Variants in SEC23A observed in about 807,000 individuals in gnomAD.
SEC23A encodes the protein protein transport protein Sec23A.
In SEC23A, 56 loss-of-function variants were observed where a neutral mutation model predicts 103.7. The observed-to-expected ratio is 0.54, with a 90% CI of 0.44 to 0.67. SEC23A has a LOEUF of 0.67. Among genes scored for constraint, SEC23A ranks in the 30% least tolerant of loss-of-function variants. The probability of loss-of-function intolerance (pLI) is 0.00; values close to 1 mark genes in which losing one functional copy is unlikely to be tolerated. For synonymous variants in SEC23A, 281 were observed against 293.0 expected (o/e 0.96, Z 0.42); for missense variants, 784 against 936.4 (o/e 0.84, Z 2.12).
chr14:39,054,323 G>C (rs1450600533), intron 14 of SEC23A, among the ~76,000 whole-genome samples: 1 of 151,384 alleles, frequency 6.6e-6, no homozygotes, highest in Non-Finnish European at 1.5e-5. Flanking sequence ...GTGTCATAAT[G>C]TAAGTACAGT....
At chr14:39,095,041 G>C (rs1158715462) in intron 2 of SEC23A, 7 of 696,122 alleles carry the variant, frequency 1.0e-5, no homozygotes, top group Non-Finnish European at 1.8e-5. Context: ...ATAGAAACAG[G>C]GAGAGCAGGT....
rs117298227 is a variant in SEC23A, at chr14:39,090,267, C to T, written c.603+1210G>A. Among the ~76,000 whole-genome samples the T allele has an allele frequency of 8.0e-3, 1,211 of 152,234 alleles. 12 individuals are homozygous for T. The highest frequency in any genetic ancestry group is 0.011 in the Non-Finnish European group (732 of 68,018). On this transcript the variant is annotated intron_variant, in intron 5 of 19. Transcript: ENST00000307712. ...GGTAAATGTTCTCAACTAGGAGTTG[C>T]ACCAGAATTACTTAGAAAGTTTTTT... is the stretch of plus-strand genomic sequence containing the variant.
chr14:39,096,620 C>T (rs978362798), intron 1 of SEC23A, among the ~76,000 whole-genome samples: 3 of 151,812 alleles, frequency 2.0e-5, no homozygotes, highest in African/African-American at 7.3e-5. Context: ...ATGGCTCTAC[C>T]CAATGTTCAC....
chr14:39,041,055 TA>T, intron 17 of SEC23A, 168 bp from the exon 18 acceptor site: 1 of 647,604 alleles, frequency 1.5e-6, no homozygotes, highest in Non-Finnish European at 2.4e-6. Flanking sequence ...ATATTCTTAA[TA>T]AATATAAAAT....
chr14:39,050,674 C>T lies in SEC23A; in HGVS notation c.1660-1945G>A, dbSNP rs376162591. ...AAAGGCCAGGAGTCAAAAAGGAAGC[C>T]GGGAGCAGTGGCACAGGCCTGTAGT... On this transcript the variant is annotated intron_variant, in intron 14 of 19. Coordinates refer to ENST00000307712, the MANE Select transcript of SEC23A (RefSeq NM_006364.4). Among the ~76,000 whole-genome samples the T allele has an allele frequency of 2.2e-4, 33 of 152,178 alleles. No individual in the cohort carries two copies. The East Asian group carries it at 3.9e-3, about 18-fold the overall frequency.
chr14:39,058,746 G>A (rs935460391), intron 13 of SEC23A, among the ~76,000 whole-genome samples: 2 of 152,088 alleles, frequency 1.3e-5, no homozygotes, highest in Non-Finnish European at 2.9e-5. Context: ...AGAAGACATT[G>A]GTAATTTTGA....
intron 7 of SEC23A, among the ~76,000 whole-genome samples, chr14:39,085,361 G>C (rs368683376): frequency 6.6e-6 from 1 of 152,166 alleles, no homozygotes; most frequent in African/African-American, 2.4e-5. Context: ...AGAGTTCTGT[G>C]AGCCATTCTA....
At chr14:39,101,220 T>G (rs919562137) in intron 1 of SEC23A, among the ~76,000 whole-genome samples, 25 of 152,208 alleles carry the variant, frequency 1.6e-4, no homozygotes, top group African/African-American at 5.1e-4. Context: ...TTCAGTACAA[T>G]ATACTTTGGT....
At position 39,031,919 on chromosome 14, in the gene SEC23A, A is replaced by T. The variant is rs1025636441; in HGVS notation, c.*1320T>A. ...TACTAGATTTCAAAATAGCCAGAAA[A>T]ACAGTGAAAAGTATATTTTATTGGC... On this transcript the variant is annotated 3_prime_UTR_variant, in exon 20 of 20. Transcript: ENST00000307712. 3 of 152,640 alleles carry T rather than the reference A, an allele frequency of 2.0e-5. No homozygotes were observed. Among genetic ancestry groups the T allele is most frequent in the African/African-American group, 7.2e-5 (3 of 41,458 alleles). 9.5% of individuals were successfully genotyped at this position (152,640 alleles called of 1,614,324 possible).
intron 11 of SEC23A, 75 bp from the exon 12 acceptor site, chr14:39,063,488 A>G: frequency 1.1e-6 from 1 of 944,410 alleles, no homozygotes; most frequent in Admixed American, 2.2e-5. Flanking sequence ...TGAAAATGGA[A>G]AAAGACCACA....
intron 7 of SEC23A, among the ~76,000 whole-genome samples, chr14:39,082,409 G>A (rs1887258698): frequency 6.6e-6 from 1 of 151,992 alleles, no homozygotes; most frequent in Non-Finnish European, 1.5e-5. Context: ...AATCATCAAT[G>A]GATGCTAAAC....
intron 1 of SEC23A, among the ~76,000 whole-genome samples, chr14:39,099,121 T>C (rs1887992345): frequency 6.6e-6 from 1 of 151,444 alleles, no homozygotes; most frequent in Non-Finnish European, 1.5e-5. Context: ...GATAAAAATT[T>C]GAGCTTTCAA....
At chr14:39,065,746 C>A (rs1402813214) in intron 10 of SEC23A, among the ~76,000 whole-genome samples, 2 of 152,204 alleles carry the variant, frequency 1.3e-5, no homozygotes, top group Non-Finnish European at 2.9e-5. Flanking sequence ...CGCCTGTAAT[C>A]CCAACACTTT....
chr14:39,094,295 T>C (rs1887770995), intron 2 of SEC23A, among the ~76,000 whole-genome samples: 1 of 117,094 alleles, frequency 8.5e-6, no homozygotes, highest in Admixed American at 9.8e-5. Flanking sequence ...TATATATGCA[T>C]ATATACACAT....
At chr14:39,089,670 C>G (rs532792907) in intron 5 of SEC23A, among the ~76,000 whole-genome samples, 3 of 152,258 alleles carry the variant, frequency 2.0e-5, no homozygotes, top group African/African-American at 7.2e-5. Flanking sequence ...AAAGAACAAA[C>G]TTCAGGCCGA....
In SEC23A at chr14:39,032,474, C is replaced by T. The variant is rs1885334953; in HGVS notation, c.*765G>A. On this transcript the variant is annotated 3_prime_UTR_variant, in exon 20 of 20. Coordinates refer to ENST00000307712, the MANE Select transcript of SEC23A (RefSeq NM_006364.4). ...ACTAAATTTGGTTTAGTAGTTACAA[C>T]CGTCATTTTACTGCAAAGGCTTACT... 6.6e-6 allele frequency: 1 copy of T among 152,568 alleles called. No homozygotes were observed. Among genetic ancestry groups the T allele is most frequent in the Non-Finnish European group, 1.5e-5 (1 of 68,014 alleles). The allele number at this position is 152,568 out of a possible 1,614,324, so 9.5% of individuals were successfully genotyped here.
intron 2 of SEC23A, among the ~76,000 whole-genome samples, chr14:39,095,518 G>T (rs376967645): frequency 6.6e-6 from 1 of 151,924 alleles, no homozygotes; most frequent in Admixed American, 6.6e-5. Flanking sequence ...GGCTGGTCTC[G>T]AACTCCTGAC....
Position 39,085,810 on chromosome 14 carries a change from A to C in SEC23A, c.780T>G (p.Pro260=). 5 of 1,613,980 alleles carry C rather than the reference A, an allele frequency of 3.1e-6. No individual in the cohort carries two copies. Among genetic ancestry groups the C allele is most frequent in the Non-Finnish European group, 4.2e-6 (5 of 1,179,994 alleles). ...AAAGTGCCACCCCAGAGGAACGCAAAGGTCTCTTTCCCTGTGGTACAGGCC... is the reference window on the plus strand; with the variant it reads ...AAAGTGCCACCCCAGAGGAACGCAACGGTCTCTTTCCCTGTGGTACAGGCC... The part of the protein sequence containing the change: ...DPWPVPQGKR[P]LRSSGVALSI... The change falls in exon 7 of 20, where the codon CCT becomes CCG. Residue 260 remains proline, a synonymous_variant. Coordinates refer to ENST00000307712, the MANE Select transcript of SEC23A (RefSeq NM_006364.4).
intron 13 of SEC23A, among the ~76,000 whole-genome samples, chr14:39,059,219 T>C (rs576511314): frequency 4.1e-5 from 6 of 147,096 alleles, no homozygotes; most frequent in African/African-American, 1.5e-4. Context: ...TTTATTTTCA[T>C]ATGGCTTATT....
Sources: gnomAD v4.1 joint callset for allele counts (sites outside exome capture counted in the v4.1 genomes callset) on GRCh38, gnomAD v4.1.1 for gene constraint, MANE v1.5 for transcripts, NCBI Gene and HGNC (gene_info 2026-07-23, HGNC 2026-07-21) for gene names.